Variants in APBB2 observed in about 807,000 individuals in gnomAD.
The protein encoded by APBB2 is Fe65-like 1.
In APBB2, 38 loss-of-function variants were observed where a neutral mutation model predicts 82.5. That is an observed-to-expected ratio of 0.46 (90% confidence interval 0.36 to 0.60). The LOEUF (loss-of-function observed/expected upper bound fraction) is 0.60. APBB2 is among the 20% of genes least tolerant of loss of function. The pLI is 0.00. For missense variants in APBB2, 772 were observed against 972.3 expected, an observed-to-expected ratio of 0.79 and a Z score of 2.74; for synonymous variants, 341 against 368.2, an observed-to-expected ratio of 0.93 and a Z score of 0.85.
intron 4 of APBB2, among the ~76,000 whole-genome samples, chr4:41,045,539 G>A (rs749206747): frequency 2.6e-5 from 4 of 152,018 alleles, no homozygotes; most frequent in Non-Finnish European, 5.9e-5. Flanking sequence ...TGATCCACCC[G>A]CCTCAGCCTC....
intron 6 of APBB2, among the ~76,000 whole-genome samples, chr4:40,958,798 G>GT (rs968361497): frequency 6.6e-6 from 1 of 152,142 alleles, no homozygotes; most frequent in African/African-American, 2.4e-5. Flanking sequence ...TAGAGATGGG[G>GT]TCTCATTATG....
chr4:40,897,555 A>G (rs1052575893), intron 10 of APBB2, among the ~76,000 whole-genome samples: 11 of 152,194 alleles, frequency 7.2e-5, no homozygotes, highest in Admixed American at 6.5e-4. Flanking sequence ...ACTGATGAAT[A>G]TAAGCCTGAC....
At chr4:41,016,361 G>T (rs1280287319) in intron 5 of APBB2, among the ~76,000 whole-genome samples, 1 of 152,194 alleles carries the variant, frequency 6.6e-6, no homozygotes, top group Non-Finnish European at 1.5e-5. Context: ...CAATATGACA[G>T]ATTAAGACTT....
At chr4:40,879,393 CA>C (rs1767783718) in intron 12 of APBB2, among the ~76,000 whole-genome samples, 1 of 152,094 alleles carries the variant, frequency 6.6e-6, no homozygotes, top group Non-Finnish European at 1.5e-5. Context: ...GAACACAAGC[CA>C]TTCCAAAGCT....
intron 6 of APBB2, among the ~76,000 whole-genome samples, chr4:40,962,629 G>A (rs1275583296): frequency 6.6e-6 from 1 of 152,126 alleles, no homozygotes; most frequent in East Asian, 1.9e-4. Flanking sequence ...ATGTATTTAG[G>A]AGTGGTCCCC....
At chr4:41,085,029 T>C (rs1739115924) in intron 3 of APBB2, among the ~76,000 whole-genome samples, 1 of 152,060 alleles carries the variant, frequency 6.6e-6, no homozygotes, top group Admixed American at 6.5e-5. Context: ...GGCAGGTGGA[T>C]CACAAGGTCA....
chr4:41,183,223 C>A (rs1771921733), intron 1 of APBB2, among the ~76,000 whole-genome samples: 1 of 152,190 alleles, frequency 6.6e-6, no homozygotes, highest in South Asian at 2.1e-4. Flanking sequence ...CAGCAATCAC[C>A]ATTGTCTCGC....
At chr4:41,209,520 C>T (rs535932901) in intron 1 of APBB2, among the ~76,000 whole-genome samples, 3 of 152,150 alleles carry the variant, frequency 2.0e-5, no homozygotes, top group South Asian at 4.2e-4. Context: ...CTCATCGAGG[C>T]GAGGAGACAA....
intron 1 of APBB2, among the ~76,000 whole-genome samples, chr4:41,164,135 C>T (rs1284475463): frequency 6.6e-6 from 1 of 152,104 alleles, no homozygotes; most frequent in Non-Finnish European, 1.5e-5. Context: ...TCATATATAA[C>T]TTATACACAT....
chr4:40,995,676 G>A (rs1353431810), intron 6 of APBB2, among the ~76,000 whole-genome samples: 3 of 151,368 alleles, frequency 2.0e-5, no homozygotes, highest in African/African-American at 7.3e-5. Flanking sequence ...CGTAGCTGAC[G>A]CCAGCATGTG....
intron 6 of APBB2, among the ~76,000 whole-genome samples, chr4:40,962,317 C>T (rs914061007): frequency 2.0e-5 from 3 of 152,082 alleles, no homozygotes; most frequent in Admixed American, 1.3e-4. Flanking sequence ...AGGAAAGAAC[C>T]AGTAAATGAA....
intron 12 of APBB2, among the ~76,000 whole-genome samples, chr4:40,841,589 C>T (rs1439775612): frequency 1.3e-5 from 2 of 152,072 alleles, no homozygotes; most frequent in Non-Finnish European, 2.9e-5. Context: ...GAAACTGAAT[C>T]AGTGCTTCTG....
At chr4:41,008,614 C>A (rs945978905) in intron 6 of APBB2, among the ~76,000 whole-genome samples, 9 of 152,192 alleles carry the variant, frequency 5.9e-5, no homozygotes, top group African/African-American at 2.2e-4. Context: ...TTATAACACA[C>A]CACTGTACTG....
intron 2 of APBB2, among the ~76,000 whole-genome samples, chr4:41,133,463 C>T (rs926705591): frequency 6.6e-6 from 1 of 152,160 alleles, no homozygotes; most frequent in Non-Finnish European, 1.5e-5. Flanking sequence ...CAGACCAAGT[C>T]AAGCTCTTCT....
chr4:40,932,791 A>T (rs1396685222), intron 10 of APBB2, among the ~76,000 whole-genome samples: 1 of 152,250 alleles, frequency 6.6e-6, no homozygotes, highest in Non-Finnish European at 1.5e-5. Flanking sequence ...CAGGGGGAAG[A>T]CGCTACAAAC....
intron 1 of APBB2, among the ~76,000 whole-genome samples, chr4:41,179,055 T>A (rs1423434118): frequency 6.6e-6 from 1 of 152,048 alleles, no homozygotes; most frequent in African/African-American, 2.4e-5. Context: ...GTTGTATACG[T>A]GTCACGTCTA....
chr4:40,910,537 C>A (rs924044518), intron 10 of APBB2, among the ~76,000 whole-genome samples: 9 of 152,076 alleles, frequency 5.9e-5, no homozygotes, highest in African/African-American at 1.7e-4. Flanking sequence ...CTGGGCCCAG[C>A]TCCCAGCCCT....
chr4:41,019,603 C>T (rs1474916118), intron 5 of APBB2, among the ~76,000 whole-genome samples: 1 of 151,922 alleles, frequency 6.6e-6, no homozygotes, highest in Non-Finnish European at 1.5e-5. Flanking sequence ...AGTCGTCGGG[C>T]GTGTTGAGAT....
chr4:41,048,720 C>G (rs1414378900), intron 4 of APBB2, among the ~76,000 whole-genome samples: 1 of 150,842 alleles, frequency 6.6e-6, no homozygotes, highest in African/African-American at 2.4e-5. Flanking sequence ...CCTCTGATGC[C>G]GAGCGGAAGC....
Sources: allele counts gnomAD v4.1 joint callset (sites outside exome capture counted in the v4.1 genomes callset), GRCh38; gene constraint gnomAD v4.1.1; transcripts MANE v1.5; gene names NCBI Gene and HGNC (gene_info 2026-07-23, HGNC 2026-07-21).